Variants in CCDC148 observed in about 807,000 individuals in gnomAD.
CCDC148 encodes the protein coiled-coil domain-containing protein 148.
In CCDC148, 89 loss-of-function variants were observed where a neutral mutation model predicts 85.7. The observed-to-expected ratio is 1.04, with a 90% CI of 0.87 to 1.24. The LOEUF (loss-of-function observed/expected upper bound fraction) is 1.24, where lower values mean the gene tolerates loss of function less well. CCDC148 is among the 50% of genes most tolerant of loss of function. The pLI is 0.00. For missense variants in CCDC148, 692 were observed against 671.7 expected (o/e 1.03, Z -0.33); for synonymous variants, 230 against 213.9 (o/e 1.08, Z -0.66).
At chr2:158,217,989 G>A (rs189873963) in intron 11 of CCDC148, among the ~76,000 whole-genome samples, 4 of 152,204 alleles carry the variant, frequency 2.6e-5, no homozygotes, top group East Asian at 1.9e-4. Flanking sequence ...GGTTACTATC[G>A]AAAGCAAAAA....
intron 10 of CCDC148, among the ~76,000 whole-genome samples, chr2:158,233,548 A>C (rs536557070): frequency 4.0e-4 from 61 of 151,710 alleles, no homozygotes; most frequent in Non-Finnish European, 7.8e-4. Context: ...AACTGATCCA[A>C]TGAAAAAGAA....
intron 1 of CCDC148, among the ~76,000 whole-genome samples, chr2:158,404,442 C>G (rs1161950515): frequency 1.3e-5 from 2 of 152,064 alleles, no homozygotes; most frequent in Non-Finnish European, 2.9e-5. Flanking sequence ...TAAAAAACTT[C>G]CAATTTTGTA....
intron 9 of CCDC148, among the ~76,000 whole-genome samples, chr2:158,306,932 T>A (rs911392665): frequency 6.7e-6 from 1 of 149,902 alleles, no homozygotes; most frequent in African/African-American, 2.5e-5. Flanking sequence ...GGCAGGAGAA[T>A]GGCGTGAACC....
At chr2:158,424,342 A>G (rs1170095539) in intron 1 of CCDC148, among the ~76,000 whole-genome samples, 1 of 152,202 alleles carries the variant, frequency 6.6e-6, no homozygotes, top group African/African-American at 2.4e-5. Context: ...GATAGACTGG[A>G]TTAAGAAAAT....
intron 11 of CCDC148, among the ~76,000 whole-genome samples, chr2:158,206,549 A>C (rs77975702): frequency 5.9e-5 from 9 of 152,246 alleles, no homozygotes; most frequent in African/African-American, 2.2e-4. Flanking sequence ...ATGCAAATGT[A>C]ATTTCAATAG....
intron 11 of CCDC148, among the ~76,000 whole-genome samples, chr2:158,202,251 A>G (rs1441400325): frequency 6.6e-6 from 1 of 152,200 alleles, no homozygotes; most frequent in Non-Finnish European, 1.5e-5. Flanking sequence ...TAATTAACGT[A>G]TGTATCTTGA....
chr2:158,307,365 T>C (rs1396610990), intron 9 of CCDC148, among the ~76,000 whole-genome samples: 4 of 152,138 alleles, frequency 2.6e-5, no homozygotes, highest in African/African-American at 7.2e-5. Context: ...AAAACCATAA[T>C]GAGGTACCAC....
intron 1 of CCDC148, among the ~76,000 whole-genome samples, chr2:158,397,253 A>T (rs536265245): frequency 2.0e-4 from 30 of 152,294 alleles, no homozygotes; most frequent in Non-Finnish European, 3.1e-4. Flanking sequence ...GCAGGCCAAC[A>T]TTCAAATTCA....
intron 11 of CCDC148, among the ~76,000 whole-genome samples, chr2:158,210,985 T>C (rs1220447245): frequency 5.6e-5 from 7 of 125,302 alleles, no homozygotes; most frequent in Non-Finnish European, 8.4e-5. Flanking sequence ...AAAGAAACAA[T>C]GAGAACACAT....
At chr2:158,281,675 C>T (rs1212212707) in intron 9 of CCDC148, among the ~76,000 whole-genome samples, 8 of 152,154 alleles carry the variant, frequency 5.3e-5, no homozygotes, top group Admixed American at 5.2e-4. Flanking sequence ...CAGATGGATT[C>T]ACAGCCGAAT....
intron 10 of CCDC148, among the ~76,000 whole-genome samples, chr2:158,225,365 A>G (rs1687448222): frequency 6.6e-6 from 1 of 152,164 alleles, no homozygotes; most frequent in Admixed American, 6.5e-5. Flanking sequence ...GAGAGACTTA[A>G]ACACTCCACT....
At chr2:158,300,347 G>T (rs1365535536) in intron 9 of CCDC148, among the ~76,000 whole-genome samples, 3 of 152,154 alleles carry the variant, frequency 2.0e-5, no homozygotes, top group Non-Finnish European at 4.4e-5. Flanking sequence ...GGTAGGGGGA[G>T]GCTTACACCA....
At chr2:158,332,198 C>T (rs1046113611) in intron 7 of CCDC148, among the ~76,000 whole-genome samples, 4 of 151,918 alleles carry the variant, frequency 2.6e-5, no homozygotes, top group Admixed American at 1.3e-4. Context: ...TTAGGGCAGG[C>T]GTGGTGGTGA....
rs939667830 is a variant in CCDC148 at position 158,309,658 on chromosome 2, G to A, written c.904-19C>T. 3 of 1,529,076 alleles carry A rather than the reference G, an allele frequency of 2.0e-6. No homozygotes were observed. Among genetic ancestry groups the A allele is most frequent in the Non-Finnish European group, 1.8e-6 (2 of 1,111,368 alleles). 94.7% of individuals were successfully genotyped at this position (1,529,076 alleles called of 1,614,324 possible). The stretch of plus-strand genomic sequence containing the variant: ...GTTCAACCTGAAAAGATAACAGAGG[G>A]TGAATACTTATCATTATGAAAATGA... On this transcript the variant is annotated intron_variant, in intron 8 of 13. Transcript: ENST00000283233.
chr2:158,214,121 T>TA lies in CCDC148; in HGVS notation c.1370+6473dup, dbSNP rs70990697. 2.7e-3 allele frequency among the ~76,000 whole-genome samples: 262 copies of TA among 96,612 alleles called. 2 individuals carry two copies. The highest frequency in any genetic ancestry group is 7.5e-3 in the African/African-American group (189 of 25,356). The allele number at this position is 96,612 out of a possible 152,430, so 63.4% of individuals were successfully genotyped here. A position where few individuals can be genotyped will look rare whatever the true frequency, so the allele number is the denominator to read the frequency against. On this transcript the variant is annotated intron_variant, in intron 11 of 13. Transcript: ENST00000283233. Reference sequence around the variant, plus strand: ...AGAACACAAAGAATAAACATTGTGGTAAAAAAAAAAAAAAAAAAAAAAAGA... The same window carrying TA: ...AGAACACAAAGAATAAACATTGTGGTAAAAAAAAAAAAAAAAAAAAAAAAGA...
At chr2:158,359,069 T>G (rs1381462206) in intron 1 of CCDC148, among the ~76,000 whole-genome samples, 1 of 152,078 alleles carries the variant, frequency 6.6e-6, no homozygotes, top group Non-Finnish European at 1.5e-5. Flanking sequence ...GTTTAATACG[T>G]TGAAAAATAT....
At chr2:158,241,631 C>T (rs534930753) in intron 10 of CCDC148, among the ~76,000 whole-genome samples, 12 of 152,114 alleles carry the variant, frequency 7.9e-5, no homozygotes, top group African/African-American at 2.4e-4. Flanking sequence ...CCCTTAATGC[C>T]CCCTTTGGAA....
intron 1 of CCDC148, among the ~76,000 whole-genome samples, chr2:158,443,482 C>A (rs561586953): frequency 1.6e-4 from 16 of 99,282 alleles, no homozygotes; most frequent in African/African-American, 6.1e-4. Flanking sequence ...CCAGCCTGGG[C>A]GACAGAGCAA....
At chr2:158,336,896 C>T (rs1032813875) in intron 7 of CCDC148, among the ~76,000 whole-genome samples, 1 of 152,122 alleles carries the variant, frequency 6.6e-6, no homozygotes, top group African/African-American at 2.4e-5. Context: ...TAAGCATACC[C>T]CTTCTTCAAA....
Sources: allele counts gnomAD v4.1 joint callset (sites outside exome capture counted in the v4.1 genomes callset), GRCh38; gene constraint gnomAD v4.1.1; transcripts MANE v1.5; gene names NCBI Gene and HGNC (gene_info 2026-07-23, HGNC 2026-07-21).